SYT6: variants seen among roughly 807,000 people sequenced by gnomAD.
SYT6 encodes the protein synaptotagmin 6.
SYT6 carries 24 observed loss-of-function variants against 38.4 expected under a neutral mutation model. That is an observed-to-expected ratio of 0.62 (90% CI 0.45 to 0.88). The LOEUF is 0.88. SYT6 is among the 40% of genes least tolerant of loss of function. The pLI is 0.00. For missense variants in SYT6, 611 were observed against 621.0 expected (o/e 0.98, Z 0.17); for synonymous variants, 265 against 241.9 (o/e 1.10, Z -0.89).
chr1:114,106,494 T>C (rs1676321341), intron 3 of SYT6, among the ~76,000 whole-genome samples: 1 of 152,150 alleles, frequency 6.6e-6, no homozygotes, highest in African/African-American at 2.4e-5. Flanking sequence ...CCTTCAGTGG[T>C]TCCCCTTGTT....
intron 3 of SYT6, among the ~76,000 whole-genome samples, chr1:114,114,303 A>G (rs1227955209): frequency 6.6e-6 from 1 of 152,170 alleles, no homozygotes; most frequent in Non-Finnish European, 1.5e-5. Flanking sequence ...CCCTAATCTC[A>G]ACCTCATATT....
intron 3 of SYT6, among the ~76,000 whole-genome samples, chr1:114,117,979 TC>T (rs1677097957): frequency 6.6e-6 from 1 of 152,216 alleles, no homozygotes; most frequent in African/African-American, 2.4e-5. Flanking sequence ...TCGGGCCCCT[TC>T]CTGTTCCATC....
At chr1:114,099,377 G>T in intron 4 of SYT6, 112 bp from the exon 5 acceptor site, 1 of 1,076,712 alleles carries the variant, frequency 9.3e-7, no homozygotes, top group Non-Finnish European at 1.3e-6. Flanking sequence ...TCATCAGATG[G>T]TATCAGTGGG....
chr1:114,139,691 G>T lies in SYT6; in HGVS notation c.436C>A (p.Gln146Lys). The T allele has an allele frequency of 6.2e-7, 1 of 1,613,926 alleles. No homozygotes were observed. The change falls in exon 2 of 8, where the codon CAG (glutamine) becomes AAG (lysine). Residue 146 changes from glutamine to lysine, a missense_variant. Coordinates refer to ENST00000610222, the MANE Select transcript of SYT6 (RefSeq NM_001253772.2). ...ATGATGTGCTCCTTGACCGACATCT[G>T]CACCTCAGCTGGGATATCTGGGGAC... ...HTSPDIPAEVQMSVKEHIMRH... is the reference protein window; with the variant it reads ...HTSPDIPAEVKMSVKEHIMRH...
At chr1:114,131,583 G>T (rs1478243480) in intron 3 of SYT6, among the ~76,000 whole-genome samples, 1 of 152,184 alleles carries the variant, frequency 6.6e-6, no homozygotes, top group African/African-American at 2.4e-5. Context: ...GGGGCTTGGG[G>T]ACTTGGGGGC....
chr1:114,129,408 C>T (rs79261551), intron 3 of SYT6, among the ~76,000 whole-genome samples: 1 of 145,204 alleles, frequency 6.9e-6, no homozygotes, highest in Non-Finnish European at 1.5e-5. Flanking sequence ...TAACCTCTCC[C>T]GCCTCTTACC....
chr1:114,121,986 C>G (rs1677427776), intron 3 of SYT6, among the ~76,000 whole-genome samples: 1 of 152,184 alleles, frequency 6.6e-6, no homozygotes, highest in Non-Finnish European at 1.5e-5. Flanking sequence ...GTTTGACAGG[C>G]CACACAGTGG....
chr1:114,109,897 G>A (rs145077524), intron 3 of SYT6, among the ~76,000 whole-genome samples: 111 of 152,322 alleles, frequency 7.3e-4, no homozygotes, highest in Middle Eastern at 3.4e-3. Flanking sequence ...GTAAGCAAGC[G>A]CTTTTGCTTT....
rs144377793 is a variant in SYT6 at position 114,108,991 on chromosome 1, C to T, written c.1072-5270G>A. On this transcript the variant is annotated intron_variant, in intron 3 of 7. Transcript: ENST00000610222. Reference sequence around the variant, plus strand: ...CTGGGCAGGAAGTGCTGTTAAGTTCCCCAGGGGTTGTGGGAGGGTAGGGGG... The same window carrying T: ...CTGGGCAGGAAGTGCTGTTAAGTTCTCCAGGGGTTGTGGGAGGGTAGGGGG... Among the ~76,000 whole-genome samples the T allele has an allele frequency of 7.3e-3, 1,061 of 145,346 alleles. 11 individuals carry two copies. Among genetic ancestry groups the T allele is most frequent in the Middle Eastern group, 0.055 (16 of 292 alleles).
intron 6 of SYT6, among the ~76,000 whole-genome samples, chr1:114,095,937 G>C (rs1675614130): frequency 6.6e-6 from 1 of 152,144 alleles, no homozygotes; most frequent in African/African-American, 2.4e-5. Context: ...TGGGATTACA[G>C]GCATGAGCCA....
intron 6 of SYT6, among the ~76,000 whole-genome samples, chr1:114,095,400 G>A (rs981421630): frequency 2.6e-5 from 4 of 152,168 alleles, no homozygotes; most frequent in Non-Finnish European, 5.9e-5. Context: ...CCAAGTCCTG[G>A]CCCATCTGTG....
intron 3 of SYT6, among the ~76,000 whole-genome samples, chr1:114,125,442 G>A (rs1677665660): frequency 6.6e-6 from 1 of 152,188 alleles, no homozygotes; most frequent in African/African-American, 2.4e-5. Flanking sequence ...GGCCCTCAAG[G>A]TCTCAGGGAC....
intron 1 of SYT6, among the ~76,000 whole-genome samples, chr1:114,141,466 GA>G (rs774143135): frequency 2.0e-5 from 3 of 152,216 alleles, no homozygotes; most frequent in Non-Finnish European, 4.4e-5. Context: ...GGAAGCTGCA[GA>G]AGAAACGTTT....
In SYT6 at chr1:114,137,492, T is replaced by TA; in HGVS notation, c.1071+2dup. 2 of 1,611,872 alleles carry TA rather than the reference T, an allele frequency of 1.2e-6. No individual in the cohort carries two copies. The highest frequency in any genetic ancestry group is 1.7e-6 in the Non-Finnish European group (2 of 1,178,288). ...AGAAGCCAAGGAACAGGGCTGTACT[T>TA]ACACTTGTGGCATATTGGATATCCT... On this transcript the variant is annotated splice_region_variant and intron_variant, in intron 3 of 7. Transcript: ENST00000610222.
At chr1:114,104,243 A>G (rs368755549) in intron 3 of SYT6, among the ~76,000 whole-genome samples, 6 of 152,204 alleles carry the variant, frequency 3.9e-5, no homozygotes, top group African/African-American at 1.4e-4. Context: ...TTCTTTGTCA[A>G]TCACAGCCAA....
chr1:114,137,509 G>A lies in SYT6; in HGVS notation c.1057C>T (p.Gln353Ter). The change falls in exon 3 of 8, where the codon CAA (glutamine) becomes TAA (stop). Residue 353 changes from glutamine (Q) to a stop codon, truncating the protein, a stop_gained. Coordinates refer to ENST00000610222, the MANE Select transcript of SYT6 (RefSeq NM_001253772.2). LOFTEE classifies it high-confidence loss of function. ...GCTGTACTTACACTTGTGGCATATT[G>A]GATATCCTTCCAGATGGAGGTTTCC... ...SRETSIWKDIQYATSESVDLG... is the reference protein window; with the variant it reads ...SRETSIWKDI 1.2e-6 allele frequency: 2 copies of A among 1,613,358 alleles called. No individual in the cohort carries two copies. The highest frequency in any genetic ancestry group is 1.7e-6 in the Non-Finnish European group (2 of 1,179,390).
chr1:114,114,698 C>T lies in SYT6; in HGVS notation c.1072-10977G>A, dbSNP rs1383553515. ...TGACAGGCTTCCCAGATGAGTGTTA[C>T]ATAGCCTCAGTTCGTGATATAAGGC... On this transcript the variant is annotated intron_variant, in intron 3 of 7. Coordinates refer to ENST00000610222, the MANE Select transcript of SYT6 (RefSeq NM_001253772.2). Among the ~76,000 whole-genome samples, 6 of 152,330 alleles carry T rather than the reference C, an allele frequency of 3.9e-5. No individual in the cohort carries two copies. The East Asian group carries it at 9.6e-4, about 24-fold the overall frequency.
At chr1:114,124,165 G>A (rs1677589906) in intron 3 of SYT6, among the ~76,000 whole-genome samples, 1 of 152,156 alleles carries the variant, frequency 6.6e-6, no homozygotes, top group Non-Finnish European at 1.5e-5. Context: ...AAATGCCAAT[G>A]GCCATAGCAA....
At chr1:114,129,581 TTTC>T (rs1557755996) in intron 3 of SYT6, among the ~76,000 whole-genome samples, 6 of 103,868 alleles carry the variant, frequency 5.8e-5, no homozygotes, top group Non-Finnish European at 7.9e-5. Flanking sequence ...TCTTTCTTTC[TTTC>T]TTTCTTTCTT....
Sources: gnomAD v4.1 joint callset for allele counts (sites outside exome capture counted in the v4.1 genomes callset) on GRCh38, gnomAD v4.1.1 for gene constraint, MANE v1.5 for transcripts, NCBI Gene and HGNC (gene_info 2026-07-23, HGNC 2026-07-21) for gene names.